Variants in ARMC2 observed in about 807,000 individuals in gnomAD.
ARMC2 encodes the protein armadillo repeat containing 2, also known as armadillo repeat-containing protein 2.
Under a neutral mutation model 90.3 loss-of-function variants are expected in ARMC2, and 67 were observed. The ratio of observed to expected loss-of-function variants is 0.74; its 90% CI spans 0.61 to 0.91. ARMC2 has a LOEUF of 0.91. Among genes scored for constraint, ARMC2 ranks in the 40% least tolerant of loss-of-function variants. ARMC2 has a pLI of 0.00. For synonymous variants in ARMC2, 393 were observed against 393.0 expected (o/e 1.00, Z 0.00); for missense variants, 920 against 1,030.9 (o/e 0.89, Z 1.47).
chr6:108,998,689 T>A, the ARMC2 span: 1 of 1,613,726 alleles, frequency 6.2e-7, no homozygotes, highest in South Asian at 1.1e-5. Context: ...TGATAGTGTG[T>A]GAGTAAAACT....
chr6:109,000,660 T>C, the ARMC2 span: 2 of 1,593,520 alleles, frequency 1.3e-6, no homozygotes, highest in East Asian at 2.3e-5. Context: ...GGAGCACTGA[T>C]GTCTTGCCGC....
the ARMC2 span, chr6:109,009,568 C>A: frequency 1.8e-6 from 2 of 1,104,708 alleles, no homozygotes; most frequent in Non-Finnish European, 2.2e-6. Flanking sequence ...GGGGGCGGGG[C>A]GGCGCCGACA....
chr6:109,002,199 T>C, the ARMC2 span: 1 of 1,256,534 alleles, frequency 8.0e-7, no homozygotes, highest in Non-Finnish European at 1.2e-6. Context: ...CCAACAGTTC[T>C]TCAGATGCCA....
At chr6:109,039,027 GAGAA>G in the ARMC2 span, among the ~76,000 whole-genome samples, 19 of 137,934 alleles carry the variant, frequency 1.4e-4, no homozygotes, top group African/African-American at 4.6e-4. Flanking sequence ...GAAAGAAAAA[GAGAA>G]AGAAAGAAGA....
At chr6:109,046,920 C>T in the ARMC2 span, among the ~76,000 whole-genome samples, 37 of 120,300 alleles carry the variant, frequency 3.1e-4, 1 homozygote, top group Middle Eastern at 5.1e-3. Flanking sequence ...GGAGCCTCTC[C>T]GCCCGGCAGC....
At chr6:109,006,668 A>G in the ARMC2 span, among the ~76,000 whole-genome samples, 1 of 152,160 alleles carries the variant, frequency 6.6e-6, no homozygotes, top group Non-Finnish European at 1.5e-5. Flanking sequence ...TCTTACAGAT[A>G]CCACTGTTAT....
chr6:108,910,327 A>G (rs1425210097), intron 8 of ARMC2, among the ~76,000 whole-genome samples: 1 of 152,174 alleles, frequency 6.6e-6, no homozygotes, highest in Non-Finnish European at 1.5e-5. Flanking sequence ...ACAGTGGCAC[A>G]AGCCTATAGT....
intron 2 of ARMC2, among the ~76,000 whole-genome samples, chr6:108,857,876 TGGTTCAG>T (rs1774807454): frequency 6.6e-6 from 1 of 150,886 alleles, no homozygotes; most frequent in South Asian, 2.1e-4. Context: ...TTACAAACAT[TGGTTCAG>T]GAAGTTACTT....
rs532997309 is a variant in ARMC2 at position 108,856,238 on chromosome 6, T to C, written c.218+1753T>C. Reference sequence around the variant, plus strand: ...TTGAGTTAATTTTTGTAAAGGGTGTTAGGTTTGTTTTTTGTTTGTTTTTGT... The same window carrying C: ...TTGAGTTAATTTTTGTAAAGGGTGTCAGGTTTGTTTTTTGTTTGTTTTTGT... On this transcript the variant is annotated intron_variant, in intron 2 of 17. Transcript: ENST00000392644. Among the ~76,000 whole-genome samples the C allele has an allele frequency of 4.9e-4, 75 of 152,308 alleles. 1 individual carries two copies. Among genetic ancestry groups the C allele is most frequent in the African/African-American group, 1.8e-3 (74 of 41,572 alleles).
chr6:109,034,038 G>A, the ARMC2 span, among the ~76,000 whole-genome samples: 1 of 152,194 alleles, frequency 6.6e-6, no homozygotes, highest in Non-Finnish European at 1.5e-5. Flanking sequence ...GTCTTAGAGA[G>A]CCACAGGATT....
chr6:108,965,241 C>T, intron 17 of ARMC2, 101 bp downstream of exon 17: 1 of 1,010,438 alleles, frequency 9.9e-7, no homozygotes, highest in South Asian at 2.1e-5. Flanking sequence ...ATTTAGGTGA[C>T]TATATTTCTA....
chr6:109,033,346 T>A, the ARMC2 span, among the ~76,000 whole-genome samples: 2 of 152,196 alleles, frequency 1.3e-5, no homozygotes, highest in Non-Finnish European at 2.9e-5. Context: ...AATAAAAAAA[T>A]TTATTTCCCA....
intron 10 of ARMC2, among the ~76,000 whole-genome samples, chr6:108,919,019 A>G (rs1774276923): frequency 6.6e-6 from 1 of 152,192 alleles, no homozygotes; most frequent in Admixed American, 6.5e-5. Flanking sequence ...AAGAGCACCA[A>G]AGAGAAACTA....
rs76203888 is a variant in ARMC2, at chr6:108,920,429, C to T, written c.1351-7659C>T. ...TTCCTTCCTATAAAAGAATTGCCAG[C>T]AGCATAACTAACCACTCACGTGCCC... On this transcript the variant is annotated intron_variant, in intron 10 of 17. Transcript: ENST00000392644. Among the ~76,000 whole-genome samples, 371 of 152,266 alleles carry T rather than the reference C, an allele frequency of 2.4e-3. 1 individual carries two copies. The highest frequency in any genetic ancestry group is 4.6e-3 in the Non-Finnish European group (310 of 68,022).
the ARMC2 span, chr6:109,000,626 A>G: frequency 5.6e-6 from 9 of 1,610,914 alleles, no homozygotes; most frequent in African/African-American, 1.2e-4. Flanking sequence ...GAAGGAAATC[A>G]TTTACATGCA....
chr6:109,015,332 T>C, the ARMC2 span, among the ~76,000 whole-genome samples: 1 of 152,186 alleles, frequency 6.6e-6, no homozygotes, highest in Non-Finnish European at 1.5e-5. Flanking sequence ...TCTCCTGCAC[T>C]ACCAGGCTAG....
At chr6:109,041,542 A>C in the ARMC2 span, among the ~76,000 whole-genome samples, 1 of 152,126 alleles carries the variant, frequency 6.6e-6, no homozygotes, top group African/African-American at 2.4e-5. Context: ...AAAAAGCAGG[A>C]ATTTTTATAT....
intron 17 of ARMC2, among the ~76,000 whole-genome samples, chr6:108,971,692 C>T (rs1778776043): frequency 6.6e-6 from 1 of 151,996 alleles, no homozygotes; most frequent in Admixed American, 6.6e-5. Context: ...GAGGCCAAGG[C>T]AGGCGGATCA....
intron 15 of ARMC2, among the ~76,000 whole-genome samples, chr6:108,963,794 C>T (rs999167521): frequency 2.0e-5 from 3 of 152,166 alleles, no homozygotes; most frequent in Non-Finnish European, 4.4e-5. Context: ...GAGCCAACTC[C>T]CCTCTCCAGG....
Sources: allele counts gnomAD v4.1 joint callset (sites outside exome capture counted in the v4.1 genomes callset), GRCh38; gene constraint gnomAD v4.1.1; transcripts MANE v1.5; gene names NCBI Gene and HGNC (gene_info 2026-07-23, HGNC 2026-07-21).